Variants in SLC26A7 observed in about 807,000 individuals in gnomAD.
The protein encoded by SLC26A7 is anion exchange transporter.
Under a neutral mutation model 82.5 loss-of-function variants are expected in SLC26A7, and 59 were observed. That is an observed-to-expected ratio of 0.72 (90% CI 0.58 to 0.89). The LOEUF is 0.89. Ranked by LOEUF, SLC26A7 falls within the 40% of genes least tolerant of loss-of-function variation. The pLI is 0.00. For missense variants in SLC26A7, 820 were observed against 793.0 expected (o/e 1.03, Z -0.41); for synonymous variants, 271 against 274.3 (o/e 0.99, Z 0.12).
At chr8:91,278,418 A>G (rs1811464866) in intron 2 of SLC26A7, among the ~76,000 whole-genome samples, 1 of 152,238 alleles carries the variant, frequency 6.6e-6, no homozygotes, top group African/African-American at 2.4e-5. Flanking sequence ...TGTCATATGT[A>G]GAAGTGTTCA....
intron 2 of SLC26A7, among the ~76,000 whole-genome samples, chr8:91,258,274 T>G (rs528501968): frequency 2.6e-5 from 4 of 152,232 alleles, no homozygotes; most frequent in African/African-American, 9.6e-5. Flanking sequence ...GCTCTAGAGA[T>G]AAATCGCCAG....
intron 5 of SLC26A7, among the ~76,000 whole-genome samples, chr8:91,326,407 C>T (rs1054637549): frequency 1.3e-5 from 2 of 152,112 alleles, no homozygotes; most frequent in African/African-American, 2.4e-5. Context: ...GGCTTGCAAA[C>T]GGCCTCCCTC....
At chr8:91,253,946 G>A (rs1342626597) in intron 2 of SLC26A7, among the ~76,000 whole-genome samples, 1 of 152,002 alleles carries the variant, frequency 6.6e-6, no homozygotes, top group South Asian at 2.1e-4. Flanking sequence ...CTCTAGAGAG[G>A]AAACTGAATT....
chr8:91,333,179 A>T (rs990322989), intron 5 of SLC26A7, among the ~76,000 whole-genome samples: 1 of 152,182 alleles, frequency 6.6e-6, no homozygotes, highest in African/African-American at 2.4e-5. Flanking sequence ...TGTTATTGGC[A>T]CTTAACTGAA....
rs78925844 is a variant in SLC26A7 at position 91,289,393 on chromosome 8, A to G, written c.304+147A>G. The G allele has an allele frequency of 1.9e-3, 1,270 of 654,892 alleles. 11 individuals carry two copies. In the African/African-American group the frequency reaches 0.02, roughly 10 times the overall value. 40.6% of individuals were successfully genotyped at this position (654,892 alleles called of 1,614,324 possible). A position where few individuals can be genotyped will look rare whatever the true frequency, so the allele number is the denominator to read the frequency against. ...AAGATATTTACTCTCCATGCATCAG[A>G]TAGTCAATATACACTGTGGTTTATT... On this transcript the variant is annotated intron_variant, in intron 3 of 18. Transcript: ENST00000276609.
At chr8:91,362,315 A>T in intron 11 of SLC26A7, 38 bp from the exon 12 acceptor site, 1 of 1,498,492 alleles carries the variant, frequency 6.7e-7, no homozygotes. Context: ...AGTGAATTCC[A>T]AAGGATTCAC....
chr8:91,338,753 A>G (rs776456696), intron 7 of SLC26A7, among the ~76,000 whole-genome samples: 21 of 152,136 alleles, frequency 1.4e-4, no homozygotes, highest in Admixed American at 2.6e-4. Flanking sequence ...TTAACAAAAG[A>G]GATGTTCACC....
intron 2 of SLC26A7, among the ~76,000 whole-genome samples, chr8:91,220,921 T>C (rs913871972): frequency 5.9e-5 from 9 of 152,192 alleles, no homozygotes; most frequent in African/African-American, 9.7e-5. Context: ...CTTTGAGGAA[T>C]AGCCACACTG....
intron 5 of SLC26A7, among the ~76,000 whole-genome samples, chr8:91,333,752 A>G (rs1401966977): frequency 6.6e-6 from 1 of 152,090 alleles, no homozygotes; most frequent in Non-Finnish European, 1.5e-5. Flanking sequence ...CGCAATGGGC[A>G]TGGTGCTTGG....
At chr8:91,358,417 C>G (rs1813939730) in intron 11 of SLC26A7, among the ~76,000 whole-genome samples, 1 of 151,668 alleles carries the variant, frequency 6.6e-6, no homozygotes, top group South Asian at 2.1e-4. Context: ...CAAGCTCCAC[C>G]TCCTTGGGTT....
chr8:91,387,087 T>A (rs1305331942), intron 15 of SLC26A7, among the ~76,000 whole-genome samples: 1 of 152,132 alleles, frequency 6.6e-6, no homozygotes, highest in Non-Finnish European at 1.5e-5. Flanking sequence ...GTTAGAGATT[T>A]TTATACTGTG....
At chr8:91,390,338 C>T (rs372857398) in intron 16 of SLC26A7, among the ~76,000 whole-genome samples, 136 of 152,146 alleles carry the variant, frequency 8.9e-4, no homozygotes, top group African/African-American at 3.0e-3. Flanking sequence ...AGGATGGTCT[C>T]CATCTCCTGA....
chr8:91,270,266 C>T (rs971088050), intron 2 of SLC26A7, among the ~76,000 whole-genome samples: 19 of 152,110 alleles, frequency 1.2e-4, no homozygotes, highest in Non-Finnish European at 1.8e-4. Context: ...GGAACTTAAT[C>T]GCAGGCCTGC....
At chr8:91,340,346 A>C in intron 7 of SLC26A7, 58 bp from the exon 8 acceptor site, 1 of 1,580,670 alleles carries the variant, frequency 6.3e-7, no homozygotes, top group Non-Finnish European at 8.6e-7. Flanking sequence ...ATTCATTGCA[A>C]GTTGTTACAG....
At chr8:91,377,054 C>T (rs2130889332) in intron 15 of SLC26A7, among the ~76,000 whole-genome samples, 1 of 152,254 alleles carries the variant, frequency 6.6e-6, no homozygotes, top group South Asian at 2.1e-4. Context: ...AGCTTATGTC[C>T]TCCATTGCAG....
At chr8:91,293,041 T>G (rs2130772387) in intron 3 of SLC26A7, among the ~76,000 whole-genome samples, 1 of 152,362 alleles carries the variant, frequency 6.6e-6, no homozygotes, top group South Asian at 2.1e-4. Flanking sequence ...AGACAGTGTT[T>G]TTTTAAAATA....
intron 8 of SLC26A7, among the ~76,000 whole-genome samples, chr8:91,342,538 T>C (rs1336857992): frequency 6.6e-6 from 1 of 152,138 alleles, no homozygotes; most frequent in African/African-American, 2.4e-5. Context: ...TGGGTGCCAT[T>C]CGGGAAAAGA....
At chr8:91,225,561 ATT>A (rs893654824) in intron 2 of SLC26A7, among the ~76,000 whole-genome samples, 31 of 66,864 alleles carry the variant, frequency 4.6e-4, no homozygotes, top group Admixed American at 5.2e-4. Flanking sequence ...GCTTATTATG[ATT>A]TTTTTTTTTT....
At chr8:91,263,355 G>T (rs1417528785) in intron 2 of SLC26A7, among the ~76,000 whole-genome samples, 1 of 151,722 alleles carries the variant, frequency 6.6e-6, no homozygotes, top group Non-Finnish European at 1.5e-5. Flanking sequence ...TTATAGCCTT[G>T]GTTCTTTATA....
Sources: gnomAD v4.1 joint callset for allele counts (sites outside exome capture counted in the v4.1 genomes callset) on GRCh38, gnomAD v4.1.1 for gene constraint, MANE v1.5 for transcripts, NCBI Gene and HGNC (gene_info 2026-07-23, HGNC 2026-07-21) for gene names.